Variants in SORCS3 observed in about 807,000 individuals in gnomAD.
SORCS3 encodes the protein VPS10 domain-containing receptor SorCS3.
SORCS3 carries 57 observed loss-of-function variants against 146.3 expected under a neutral mutation model. The ratio of observed to expected loss-of-function variants is 0.39; its 90% CI spans 0.31 to 0.49. The LOEUF (loss-of-function observed/expected upper bound fraction) is 0.49, where lower values mean the gene tolerates loss of function less well. Ranked by LOEUF, SORCS3 falls within the 20% of genes least tolerant of loss-of-function variation. The probability of loss-of-function intolerance (pLI) is 0.92; values close to 1 mark genes in which losing one functional copy is unlikely to be tolerated. For missense variants in SORCS3, 1,341 were observed against 1,575.5 expected (o/e 0.85, Z 2.52); for synonymous variants, 653 against 618.5 (o/e 1.06, Z -0.83).
At chr10:104,943,444 A>G (rs1348032142) in intron 3 of SORCS3, among the ~76,000 whole-genome samples, 3 of 152,206 alleles carry the variant, frequency 2.0e-5, no homozygotes, top group East Asian at 1.9e-4. Flanking sequence ...AAAGAGTTCT[A>G]TGTATAATAG....
intron 1 of SORCS3, among the ~76,000 whole-genome samples, chr10:104,730,157 A>G (rs2016689728): frequency 6.6e-6 from 1 of 152,224 alleles, no homozygotes; most frequent in Admixed American, 6.5e-5. Context: ...ACGTCAGAGC[A>G]TGTGAGATGT....
chr10:105,069,776 G>T (rs538529765), intron 5 of SORCS3, among the ~76,000 whole-genome samples: 1 of 152,278 alleles, frequency 6.6e-6, no homozygotes, highest in South Asian at 2.1e-4. Flanking sequence ...GTACTGTGCT[G>T]CACCTATCAA....
chr10:104,672,047 AT>A (rs1589453127), intron 1 of SORCS3, among the ~76,000 whole-genome samples: 1 of 152,284 alleles, frequency 6.6e-6, no homozygotes, highest in East Asian at 1.9e-4. Flanking sequence ...TTTAAGAAGG[AT>A]TGGTGATAGT....
At chr10:104,883,104 G>A (rs1011029963) in intron 2 of SORCS3, among the ~76,000 whole-genome samples, 3 of 152,156 alleles carry the variant, frequency 2.0e-5, no homozygotes, top group Admixed American at 6.5e-5. Flanking sequence ...AGTGGATGTC[G>A]GGAAGATTCC....
At chr10:104,873,215 A>G (rs543196303) in intron 2 of SORCS3, among the ~76,000 whole-genome samples, 28 of 152,370 alleles carry the variant, frequency 1.8e-4, no homozygotes, top group African/African-American at 5.8e-4. Context: ...GCAGTAAGGA[A>G]TGCAGAATGC....
chr10:105,239,699 G>A (rs1358754826), intron 20 of SORCS3, among the ~76,000 whole-genome samples: 1 of 152,176 alleles, frequency 6.6e-6, no homozygotes, highest in Non-Finnish European at 1.5e-5. Context: ...GCTGCCTGTT[G>A]GATTTGTGGG....
chr10:104,931,279 A>T (rs2019205148), intron 3 of SORCS3, among the ~76,000 whole-genome samples: 1 of 152,224 alleles, frequency 6.6e-6, no homozygotes. Context: ...TAGATTACAC[A>T]GAAAGACACT....
At chr10:104,862,506 AT>A (rs1023246631) in intron 2 of SORCS3, among the ~76,000 whole-genome samples, 15 of 149,968 alleles carry the variant, frequency 1.0e-4, no homozygotes, top group East Asian at 5.8e-4. Flanking sequence ...TTTATTCCTG[AT>A]TTTTTTTTTG....
chr10:105,198,632 AC>A (rs1376526224), intron 14 of SORCS3, among the ~76,000 whole-genome samples: 1 of 152,120 alleles, frequency 6.6e-6, no homozygotes, highest in Non-Finnish European at 1.5e-5. Flanking sequence ...AACAGAGAGA[AC>A]CCAGGGAGAG....
chr10:104,894,972 G>A (rs2018784773), intron 2 of SORCS3, among the ~76,000 whole-genome samples: 1 of 152,172 alleles, frequency 6.6e-6, no homozygotes, highest in Non-Finnish European at 1.5e-5. Flanking sequence ...CCAAATAGAA[G>A]TGGGAAGTGA....
chr10:104,969,461 A>G (rs2054846488), intron 3 of SORCS3, among the ~76,000 whole-genome samples: 2 of 152,090 alleles, frequency 1.3e-5, no homozygotes, highest in South Asian at 4.2e-4. Context: ...CATGATACCT[A>G]TATCACATGA....
At chr10:104,975,513 C>A (rs2054890324) in intron 3 of SORCS3, among the ~76,000 whole-genome samples, 1 of 152,112 alleles carries the variant, frequency 6.6e-6, no homozygotes, top group Non-Finnish European at 1.5e-5. Flanking sequence ...TCAATGCCAT[C>A]CCCATCAAGC....
chr10:104,866,299 A>T (rs2018458293), intron 2 of SORCS3, among the ~76,000 whole-genome samples: 1 of 152,216 alleles, frequency 6.6e-6, no homozygotes, highest in African/African-American at 2.4e-5. Flanking sequence ...ATGTAAAGAG[A>T]TATGCATTTC....
At chr10:104,659,934 C>T (rs1343220097) in intron 1 of SORCS3, among the ~76,000 whole-genome samples, 1 of 152,140 alleles carries the variant, frequency 6.6e-6, no homozygotes, top group Non-Finnish European at 1.5e-5. Flanking sequence ...TTCCCTTCCC[C>T]AGGATCGGGG....
At chr10:105,164,087 A>C (rs2056291612) in intron 11 of SORCS3, among the ~76,000 whole-genome samples, 1 of 152,192 alleles carries the variant, frequency 6.6e-6, no homozygotes. Flanking sequence ...GACTCATGAC[A>C]TTGAATGATG....
At chr10:105,049,113 G>A (rs953325840) in intron 5 of SORCS3, among the ~76,000 whole-genome samples, 1 of 152,026 alleles carries the variant, frequency 6.6e-6, no homozygotes, top group African/African-American at 2.4e-5. Context: ...AGACTTGACT[G>A]CATTTTTTTG....
intron 2 of SORCS3, among the ~76,000 whole-genome samples, chr10:104,894,273 C>T (rs561622247): frequency 2.6e-5 from 4 of 152,336 alleles, no homozygotes; most frequent in Admixed American, 1.3e-4. Flanking sequence ...TTGCTCTTTT[C>T]AGTATTCTTC....
chr10:104,833,014 T>C (rs898467160), intron 1 of SORCS3, among the ~76,000 whole-genome samples: 1 of 152,204 alleles, frequency 6.6e-6, no homozygotes, highest in African/African-American at 2.4e-5. Flanking sequence ...ATGGTGGTCA[T>C]TGAGTTTTCA....
intron 22 of SORCS3, among the ~76,000 whole-genome samples, chr10:105,250,013 A>G (rs2056889651): frequency 6.6e-6 from 1 of 152,200 alleles, no homozygotes; most frequent in Non-Finnish European, 1.5e-5. Context: ...ACAGAAGTGT[A>G]TTTCTCATAA....
Sources: gnomAD v4.1 joint callset for allele counts (sites outside exome capture counted in the v4.1 genomes callset) on GRCh38, gnomAD v4.1.1 for gene constraint, MANE v1.5 for transcripts, NCBI Gene and HGNC (gene_info 2026-07-23, HGNC 2026-07-21) for gene names.